Variants in PRKCB observed in about 807,000 individuals in gnomAD.
PRKCB encodes protein kinase C beta type.
A neutral mutation model predicts 81.5 loss-of-function variants in PRKCB; 13 were observed. The observed-to-expected ratio is 0.16, with a 90% CI of 0.10 to 0.25. The LOEUF (loss-of-function observed/expected upper bound fraction) is 0.25. Among genes scored for constraint, PRKCB ranks in the 10% least tolerant of loss-of-function variants. The probability of loss-of-function intolerance (pLI) is 1.00; values close to 1 mark genes in which losing one functional copy is unlikely to be tolerated. For synonymous variants in PRKCB, 335 were observed against 321.4 expected, an observed-to-expected ratio of 1.04 and a Z score of -0.45; for missense variants, 509 against 875.7, an observed-to-expected ratio of 0.58 and a Z score of 5.29.
In PRKCB at chr16:24,110,509, C is replaced by CTTTTTT. The variant is rs777132623; in HGVS notation, c.822-2464_822-2463insTTTTTT. 4.1e-3 allele frequency among the ~76,000 whole-genome samples: 515 copies of CTTTTTT among 125,192 alleles called. 9 individuals carry two copies. Among genetic ancestry groups the CTTTTTT allele is most frequent in the African/African-American group, 5.3e-3 (125 of 23,402 alleles). 82.1% of individuals were successfully genotyped at this position (125,192 alleles called of 152,430 possible). On this transcript the variant is annotated intron_variant, in intron 7 of 16. Coordinates refer to ENST00000643927, the MANE Select transcript of PRKCB (RefSeq NM_002738.7). Reference sequence around the variant, plus strand: ...TACAGGCATAAGCCACCATGCCCAACCTTTTTTTTTTTTTTTTTTTTTTGA... The same window carrying CTTTTTT: ...TACAGGCATAAGCCACCATGCCCAACTTTTTTCTTTTTTTTTTTTTTTTTTTTTTGA...
chr16:24,030,898 CAAA>C (rs71154267), intron 3 of PRKCB, among the ~76,000 whole-genome samples: 1 of 130,438 alleles, frequency 7.7e-6, no homozygotes. Context: ...AACTCTATCT[CAAA>C]AAAAAAAAAA....
At chr16:24,019,179 T>C (rs1183120424) in intron 3 of PRKCB, among the ~76,000 whole-genome samples, 1 of 151,616 alleles carries the variant, frequency 6.6e-6, no homozygotes, top group African/African-American at 2.4e-5. Flanking sequence ...TTTTCTTTTT[T>C]TTTTTTTGGT....
At chr16:23,975,706 T>C (rs1964616464) in intron 2 of PRKCB, among the ~76,000 whole-genome samples, 1 of 152,172 alleles carries the variant, frequency 6.6e-6, no homozygotes, top group South Asian at 2.1e-4. Flanking sequence ...TATGGACTGA[T>C]GGAATTGAGT....
intron 3 of PRKCB, among the ~76,000 whole-genome samples, chr16:23,997,792 G>A (rs922693469): frequency 6.6e-6 from 1 of 152,192 alleles, no homozygotes; most frequent in African/African-American, 2.4e-5. Context: ...GTTGTACAAA[G>A]TCTAATTGTA....
intron 15 of PRKCB, among the ~76,000 whole-genome samples, chr16:24,188,151 A>G (rs181885436): frequency 1.0e-3 from 156 of 152,278 alleles, no homozygotes; most frequent in Non-Finnish European, 1.6e-3. Context: ...GCCGTTTTCT[A>G]TTAATTCAGG....
chr16:23,880,503 G>A (rs1463320540), intron 2 of PRKCB, among the ~76,000 whole-genome samples: 2 of 152,028 alleles, frequency 1.3e-5, no homozygotes, highest in Admixed American at 6.6e-5. Context: ...CAAAAGGTCT[G>A]TTTGGGTCTC....
intron 2 of PRKCB, among the ~76,000 whole-genome samples, chr16:23,863,415 C>T (rs1365072655): frequency 2.0e-5 from 3 of 151,920 alleles, no homozygotes; most frequent in Non-Finnish European, 4.4e-5. Context: ...ACTGTGGACT[C>T]ACCCTGAATT....
intron 16 of PRKCB, among the ~76,000 whole-genome samples, chr16:24,194,880 G>A (rs912083806): frequency 3.9e-5 from 6 of 152,216 alleles, no homozygotes; most frequent in Admixed American, 6.5e-5. Context: ...GCTACCTTCA[G>A]TCTCCTTAGA....
chr16:24,193,259 G>A (rs1262878712), intron 16 of PRKCB, among the ~76,000 whole-genome samples: 1 of 151,626 alleles, frequency 6.6e-6, no homozygotes, highest in Non-Finnish European at 1.5e-5. Context: ...CCTGGCCAAC[G>A]TGGTAAAACC....
intron 12 of PRKCB, among the ~76,000 whole-genome samples, chr16:24,175,666 A>T (rs942168242): frequency 1.3e-5 from 2 of 151,510 alleles, no homozygotes; most frequent in African/African-American, 4.9e-5. Flanking sequence ...TAACTGCGGG[A>T]TATGGGATTA....
chr16:23,845,706 G>A (rs1962355452), intron 2 of PRKCB, among the ~76,000 whole-genome samples: 1 of 152,232 alleles, frequency 6.6e-6, no homozygotes, highest in Non-Finnish European at 1.5e-5. Context: ...ATGGCTGCAA[G>A]TAAGATGAGT....
intron 9 of PRKCB, among the ~76,000 whole-genome samples, chr16:24,135,981 C>T (rs1966863296): frequency 6.6e-6 from 1 of 152,104 alleles, no homozygotes; most frequent in African/African-American, 2.4e-5. Flanking sequence ...TTGACATTTG[C>T]TGTCTGATCT....
chr16:23,892,960 A>G (rs1034594092), intron 2 of PRKCB: 1 of 132,680 alleles, frequency 7.5e-6, no homozygotes, highest in Non-Finnish European at 1.6e-5. Flanking sequence ...TTTTTTTTTA[A>G]CAGGATTGGA....
rs370379454 is a variant in PRKCB, at chr16:23,915,033, T to C, written c.206-73475T>C. On this transcript the variant is annotated intron_variant, in intron 2 of 16. Transcript: ENST00000643927. ...TGGGCAGCCTTTTCTGGCTGTGACA[T>C]GCACCAGAAACCCACTTTTGGCCTG... Among the ~76,000 whole-genome samples the C allele has an allele frequency of 3.9e-5, 6 of 152,316 alleles. No individual in the cohort carries two copies. The South Asian group carries it at 6.2e-4, about 16-fold the overall frequency.
chr16:24,025,791 G>T (rs1005309051), intron 3 of PRKCB, among the ~76,000 whole-genome samples: 6 of 152,186 alleles, frequency 3.9e-5, no homozygotes, highest in African/African-American at 1.4e-4. Flanking sequence ...TGTCAATGGA[G>T]TAAAGTTGGG....
intron 5 of PRKCB, among the ~76,000 whole-genome samples, chr16:24,081,546 C>G (rs1310923138): frequency 6.6e-6 from 1 of 152,088 alleles, no homozygotes; most frequent in Non-Finnish European, 1.5e-5. Context: ...AACATCATGT[C>G]ATAACCAGCA....
At chr16:23,880,311 C>G (rs777420374) in intron 2 of PRKCB, among the ~76,000 whole-genome samples, 2 of 152,078 alleles carry the variant, frequency 1.3e-5, no homozygotes, top group Admixed American at 6.5e-5. Context: ...CTTTGAGAAT[C>G]CCCCCACCAC....
At chr16:23,980,995 C>T (rs1964693375) in intron 2 of PRKCB, among the ~76,000 whole-genome samples, 1 of 151,912 alleles carries the variant, frequency 6.6e-6, no homozygotes, top group Non-Finnish European at 1.5e-5. Flanking sequence ...ACAGTCTACT[C>T]CTTCCATCTG....
At chr16:24,057,147 T>G (rs574863394) in intron 5 of PRKCB, among the ~76,000 whole-genome samples, 2 of 152,202 alleles carry the variant, frequency 1.3e-5, no homozygotes, top group Non-Finnish European at 2.9e-5. Flanking sequence ...TTGCAGATCT[T>G]TATCTTGGAT....
Sources: allele counts gnomAD v4.1 joint callset (sites outside exome capture counted in the v4.1 genomes callset), GRCh38; gene constraint gnomAD v4.1.1; transcripts MANE v1.5; gene names NCBI Gene and HGNC (gene_info 2026-07-23, HGNC 2026-07-21).